The following EPS15L1 variants were observed in gnomAD, a reference collection of about 807,000 sequenced individuals.
The protein encoded by EPS15L1 is epidermal growth factor receptor pathway substrate 15 like 1.
EPS15L1 carries 43 observed loss-of-function variants against 117.1 expected under a neutral mutation model. That is an observed-to-expected ratio of 0.37 (90% CI 0.29 to 0.47). EPS15L1 has a LOEUF of 0.47. EPS15L1 is among the 20% of genes least tolerant of loss of function. The pLI is 0.99. For missense variants in EPS15L1, 981 were observed against 1,164.0 expected (o/e 0.84, Z 2.29); for synonymous variants, 459 against 470.5 (o/e 0.98, Z 0.32).
At chr19:16,402,021 G>A in intron 16 of EPS15L1, 1 of 1,145,364 alleles carries the variant, frequency 8.7e-7, no homozygotes, top group Non-Finnish European at 1.1e-6. Flanking sequence ...GAAGCCCTCT[G>A]AACTTGGGTG....
chr19:16,416,529 C>T (rs948565216), intron 12 of EPS15L1, among the ~76,000 whole-genome samples: 5 of 151,814 alleles, frequency 3.3e-5, no homozygotes, highest in Non-Finnish European at 7.4e-5. Context: ...TCTCAGCTTC[C>T]TGGGAGGGTG....
chr19:16,423,579 T>A lies in EPS15L1; in HGVS notation c.792+1504A>T, dbSNP rs558189596. Among the ~76,000 whole-genome samples the A allele has an allele frequency of 1.5e-4, 22 of 147,090 alleles. No homozygotes were observed. The East Asian group carries it at 1.6e-3, about 11-fold the overall frequency. ...AGCAAGATCCTGTCTCTTATATATT[T>A]AAAAAAAAAAAATCTATGGATCTAA... On this transcript the variant is annotated intron_variant, in intron 9 of 23. Coordinates refer to ENST00000455140, the MANE Select transcript of EPS15L1 (RefSeq NM_001258374.3).
chr19:16,402,473 GT>G lies in EPS15L1; in HGVS notation c.1638del (p.Lys546AsnfsTer31). The G allele has an allele frequency of 6.2e-7, 1 of 1,606,408 alleles. No homozygotes were observed. Among genetic ancestry groups the G allele is most frequent in the Non-Finnish European group, 8.5e-7 (1 of 1,176,502 alleles). ...TQDEINQARSKLSQLHESRQE... is the reference protein window; with the variant it reads ...TQDEINQARSXLSQLHESRQE... ...TGGCGGCTTTCATGCAGCTGGGAAA[GT>G]TTGCTCCTTGCCTGTGCAACAAAGA... On this transcript the variant is annotated frameshift_variant, in exon 16 of 24. Transcript: ENST00000455140. LOFTEE classifies it high-confidence loss of function.
intron 13 of EPS15L1, among the ~76,000 whole-genome samples, chr19:16,406,327 C>T (rs766040077): frequency 1.1e-4 from 16 of 152,052 alleles, no homozygotes; most frequent in Non-Finnish European, 2.2e-4. Flanking sequence ...TGGACATGTT[C>T]GACAGGAAAC....
intron 16 of EPS15L1, among the ~76,000 whole-genome samples, chr19:16,399,261 G>T (rs559278595): frequency 1.3e-5 from 2 of 152,122 alleles, no homozygotes; most frequent in Non-Finnish European, 2.9e-5. Context: ...ATCAGAGTGG[G>T]AAACGAGATT....
At chr19:16,361,082 T>C (rs939206632) in intron 23 of EPS15L1, among the ~76,000 whole-genome samples, 1 of 152,166 alleles carries the variant, frequency 6.6e-6, no homozygotes, top group Non-Finnish European at 1.5e-5. Flanking sequence ...TCTGGAATAT[T>C]TTTTCACACA....
intron 1 of EPS15L1, among the ~76,000 whole-genome samples, chr19:16,463,048 C>T (rs1316553196): frequency 6.6e-6 from 1 of 152,124 alleles, no homozygotes; most frequent in Non-Finnish European, 1.5e-5. Context: ...GGGTGGGGCT[C>T]GGTTTTATTT....
At position 16,355,823 on chromosome 19, in the gene EPS15L1, C is replaced by A; in HGVS notation, c.2615G>T (p.Trp872Leu). Residue 872 changes from tryptophan (W) to leucine (L), a missense_variant, in exon 24 of 24, where the codon TGG becomes TTG. This residue lies in a region of EPS15L1 where 819 missense variants were observed against 949.0 expected (regional missense o/e 0.86). Coordinates refer to ENST00000455140, the MANE Select transcript of EPS15L1 (RefSeq NM_001258374.3). ...SFGNEEQQLA[W>L]AKRESEKAEQ... ...CGCCTTCTCGCTCTCCCGCTTGGCC[C>A]ACGCCAGCTGCTGCTCCTCATTGCC... 1 of 1,536,124 alleles carries A rather than the reference C, an allele frequency of 6.5e-7. No individual in the cohort carries two copies. Among genetic ancestry groups the A allele is most frequent in the Non-Finnish European group, 8.7e-7 (1 of 1,146,838 alleles).
chr19:16,440,724 T>G (rs1350045811), intron 4 of EPS15L1, 138 bp downstream of exon 4: 6 of 664,836 alleles, frequency 9.0e-6, no homozygotes, highest in East Asian at 2.7e-5. Context: ...AAATGAAAAC[T>G]TCCCGTGTTA....
chr19:16,385,128 C>T lies in EPS15L1; in HGVS notation c.2247+1G>A. On this transcript the variant is annotated splice_donor_variant, in intron 21 of 23. Coordinates refer to ENST00000455140, the MANE Select transcript of EPS15L1 (RefSeq NM_001258374.3). LOFTEE classifies it high-confidence loss of function. ...GCGGGGGCTCCGTGGAGGGGCTTTA[C>T]CTTGGACATCTGGCTGAAGTCGGCA... 1.2e-6 allele frequency: 2 copies of T among 1,613,804 alleles called. No individual in the cohort carries two copies. Among genetic ancestry groups the T allele is most frequent in the Non-Finnish European group, 1.7e-6 (2 of 1,179,730 alleles).
Position 16,410,370 on chromosome 19 carries a change from T to C in EPS15L1, c.1266+3403A>G, listed in dbSNP as rs1031494495. Among the ~76,000 whole-genome samples, 3 of 152,122 alleles carry C rather than the reference T, an allele frequency of 2.0e-5. No homozygotes were observed. The East Asian group carries it at 5.8e-4, about 29-fold the overall frequency. Reference sequence around the variant, plus strand: ...AGGAAAAACGGGAAATGGGTAAGTGTTGGTGAGGCTGTGCAGAGCTGGCAC... The same window carrying C: ...AGGAAAAACGGGAAATGGGTAAGTGCTGGTGAGGCTGTGCAGAGCTGGCAC... On this transcript the variant is annotated intron_variant, in intron 13 of 23. Coordinates refer to ENST00000455140, the MANE Select transcript of EPS15L1 (RefSeq NM_001258374.3).
At chr19:16,421,656 G>A (rs1443225173) in intron 9 of EPS15L1, among the ~76,000 whole-genome samples, 180 bp from the exon 10 acceptor site, 1 of 152,188 alleles carries the variant, frequency 6.6e-6, no homozygotes, top group Non-Finnish European at 1.5e-5. Flanking sequence ...AACTGAGGCT[G>A]AGACAGGTTG....
chr19:16,436,936 C>G lies in EPS15L1; in HGVS notation c.372+1G>C. 1 of 1,612,542 alleles carries G rather than the reference C, an allele frequency of 6.2e-7. No individual in the cohort carries two copies. The highest frequency in any genetic ancestry group is 8.5e-7 in the Non-Finnish European group (1 of 1,178,618). ...GGAGGGAGCTATTCCCGTTCACTTA[C>G]CCTCACAGCCCAGTGGGCCTCTGCA... On this transcript the variant is annotated splice_donor_variant, in intron 6 of 23. Coordinates refer to ENST00000455140, the MANE Select transcript of EPS15L1 (RefSeq NM_001258374.3). LOFTEE classifies it high-confidence loss of function.
intron 22 of EPS15L1, among the ~76,000 whole-genome samples, chr19:16,364,821 C>G (rs2092111492): frequency 6.6e-6 from 1 of 152,186 alleles, no homozygotes; most frequent in Non-Finnish European, 1.5e-5. Flanking sequence ...TCACCTCCAC[C>G]CTCCCGTCCC....
intron 1 of EPS15L1, among the ~76,000 whole-genome samples, chr19:16,467,341 G>A (rs555540859): frequency 6.6e-6 from 1 of 151,956 alleles, no homozygotes; most frequent in South Asian, 2.1e-4. Flanking sequence ...GTAGAGATGA[G>A]GTTTCACCAT....
intron 1 of EPS15L1, among the ~76,000 whole-genome samples, chr19:16,469,284 GGA>G (rs1240479925): frequency 6.6e-6 from 1 of 152,118 alleles, no homozygotes; most frequent in Non-Finnish European, 1.5e-5. Context: ...GGGACAAGAA[GGA>G]GAGACTGAAA....
Position 16,471,867 on chromosome 19 carries a change from C to A in EPS15L1, c.33+46G>T. ...CTCAGCCTCGCCGCACCGCTCGCCTCGCGCCCCGCACCCCGGCGCCGCCCC... is the reference window on the plus strand; with the variant it reads ...CTCAGCCTCGCCGCACCGCTCGCCTAGCGCCCCGCACCCCGGCGCCGCCCC... On this transcript the variant is annotated intron_variant, in intron 1 of 23. Coordinates refer to ENST00000455140, the MANE Select transcript of EPS15L1 (RefSeq NM_001258374.3). The surrounding 1 kb of genome is among the most constrained non-coding windows in gnomAD (Gnocchi z 4.8). 8.4e-7 allele frequency: 1 copy of A among 1,197,430 alleles called. No homozygotes were observed. The highest frequency in any genetic ancestry group is 2.2e-5 in the South Asian group (1 of 45,462). The allele number at this position is 1,197,430 out of a possible 1,614,324, so 74.2% of individuals were successfully genotyped here.
At position 16,463,106 on chromosome 19, in the gene EPS15L1, T is replaced by C. The variant is rs151285307; in HGVS notation, c.33+8807A>G. Among the ~76,000 whole-genome samples the C allele has an allele frequency of 7.4e-3, 1,123 of 152,274 alleles. 15 individuals are homozygous for C. The highest frequency in any genetic ancestry group is 0.026 in the African/African-American group (1,075 of 41,550). ...CAGTAGCTCAGCAGACAGAATCTCA[T>C]GGTGCCCCAGCCCCAGAGCTGGTCT... On this transcript the variant is annotated intron_variant, in intron 1 of 23. Transcript: ENST00000455140.
intron 1 of EPS15L1, among the ~76,000 whole-genome samples, chr19:16,469,731 G>A (rs917633757): frequency 1.3e-5 from 2 of 152,124 alleles, no homozygotes; most frequent in African/African-American, 4.8e-5. Context: ...CTAGCCCGCT[G>A]GGTTATCCAC....
Sources: allele counts gnomAD v4.1 joint callset (sites outside exome capture counted in the v4.1 genomes callset), GRCh38; gene constraint gnomAD v4.1.1; regional missense constraint gnomAD v4.1.1; non-coding constraint Gnocchi (gnomAD v3.1); transcripts MANE v1.5; gene names NCBI Gene and HGNC (gene_info 2026-07-23, HGNC 2026-07-21).